The following NEXMIF variants were observed in gnomAD, a reference collection of about 807,000 sequenced individuals.
NEXMIF encodes the protein neurite extension and migration factor, also known as XLMR protein related to neurite extension.
NEXMIF carries 8 observed loss-of-function variants against 62.1 expected under a neutral mutation model. The ratio of observed to expected loss-of-function variants is 0.13; its 90% CI spans 0.08 to 0.23. The LOEUF (loss-of-function observed/expected upper bound fraction) is 0.23. Among genes scored for constraint, NEXMIF ranks in the 10% least tolerant of loss-of-function variants. The pLI is 1.00. For synonymous variants in NEXMIF, 404 were observed against 416.6 expected, an observed-to-expected ratio of 0.97 and a Z score of 0.37; for missense variants, 976 against 1,113.3, an observed-to-expected ratio of 0.88 and a Z score of 1.75.
chrX:74,758,164 G>T (rs1038843586), intron 1 of NEXMIF, among the ~76,000 whole-genome samples: 5 of 110,973 alleles, frequency 4.5e-5, no homozygotes, highest in African/African-American at 1.3e-4. Context: ...TCTTGGGGAA[G>T]AGGAGAGTGG....
chrX:74,765,871 CA>C (rs755196904), intron 1 of NEXMIF, among the ~76,000 whole-genome samples: 1,791 of 28,932 alleles, frequency 0.062, 53 homozygotes, highest in African/African-American at 0.17. Flanking sequence ...ACTGAAAATA[CA>C]AAAAAAAAAA....
At chrX:74,763,743 G>T (rs1274303702) in intron 1 of NEXMIF, among the ~76,000 whole-genome samples, 3 of 111,201 alleles carry the variant, frequency 2.7e-5, no homozygotes, top group Non-Finnish European at 5.7e-5. Flanking sequence ...GTGAATGGGA[G>T]TTCACTCATG....
At chrX:74,891,523 G>A (rs991197090) in intron 1 of NEXMIF, among the ~76,000 whole-genome samples, 4 of 111,810 alleles carry the variant, frequency 3.6e-5, no homozygotes, top group Admixed American at 9.5e-5. Flanking sequence ...CCAGTGAAAG[G>A]CGTTGTGAAG....
intron 1 of NEXMIF, among the ~76,000 whole-genome samples, chrX:74,828,432 T>C (rs2080425312): frequency 8.9e-6 from 1 of 111,839 alleles, no homozygotes; most frequent in Admixed American, 9.5e-5. Flanking sequence ...TTCATGCTTA[T>C]TATCATATAA....
chrX:74,787,113 A>G (rs1430758216), intron 1 of NEXMIF, among the ~76,000 whole-genome samples: 3 of 105,791 alleles, frequency 2.8e-5, no homozygotes, highest in African/African-American at 1.0e-4. Context: ...ACAAAAAAAA[A>G]AAAAAAAAAA....
chrX:74,790,597 C>T (rs1406476855), intron 1 of NEXMIF, among the ~76,000 whole-genome samples: 2 of 111,893 alleles, frequency 1.8e-5, no homozygotes, highest in Non-Finnish European at 1.9e-5. Flanking sequence ...ACTGATTCTT[C>T]CTACCCATGA....
chrX:74,740,299 C>T lies in NEXMIF; in HGVS notation c.4258G>A (p.Glu1420Lys), dbSNP rs756589710. Residue 1420 changes from glutamate to lysine, a missense_variant, in exon 3 of 4, where the codon GAG becomes AAG. Transcript: ENST00000055682. ...TCAAAGAAGGTAGAGCGAGAGTCCTCGTTATAACCAGGCATGTTTGCACGA... is the reference window on the plus strand; with the variant it reads ...TCAAAGAAGGTAGAGCGAGAGTCCTTGTTATAACCAGGCATGTTTGCACGA... ...PGRANMPGYN[E>K]DSRSTFFDKK... 8 of 1,209,248 alleles carry T rather than the reference C, an allele frequency of 6.6e-6. No individual in the cohort carries two copies. The highest frequency in any genetic ancestry group is 1.8e-5 in the African/African-American group (1 of 56,937).
Position 74,867,248 on chromosome X carries a change from T to C in NEXMIF, c.-48+57635A>G, listed in dbSNP as rs149211946. Among the ~76,000 whole-genome samples the C allele has an allele frequency of 7.4e-3, 829 of 111,928 alleles. 10 individuals are homozygous for C. Among genetic ancestry groups the C allele is most frequent in the African/African-American group, 0.025 (773 of 30,769 alleles). On this transcript the variant is annotated intron_variant, in intron 1 of 3. Coordinates refer to ENST00000055682, the MANE Select transcript of NEXMIF (RefSeq NM_001008537.3). ...CCACGCTATTACCATTACACTACCATTGACATTCTTCACAAAAGTAGAAAA... is the reference window on the plus strand; with the variant it reads ...CCACGCTATTACCATTACACTACCACTGACATTCTTCACAAAAGTAGAAAA...
intron 1 of NEXMIF, among the ~76,000 whole-genome samples, chrX:74,801,207 T>G (rs1452527244): frequency 8.9e-6 from 1 of 112,146 alleles, no homozygotes; most frequent in Admixed American, 9.5e-5. Flanking sequence ...ACAGTGTATT[T>G]ATCAATTCAC....
At chrX:74,875,385 A>G (rs2080626539) in intron 1 of NEXMIF, among the ~76,000 whole-genome samples, 1 of 111,598 alleles carries the variant, frequency 9.0e-6, no homozygotes, top group African/African-American at 3.3e-5. Flanking sequence ...GCGCTGCTGG[A>G]TTTGGTTTGC....
chrX:74,780,514 G>A (rs1178075106), intron 1 of NEXMIF, among the ~76,000 whole-genome samples: 5 of 108,712 alleles, frequency 4.6e-5, no homozygotes, highest in South Asian at 4.1e-4. Context: ...GACTACAGGC[G>A]TGTGCCACCA....
intron 1 of NEXMIF, among the ~76,000 whole-genome samples, chrX:74,894,029 C>T (rs185420554): frequency 1.5e-4 from 17 of 111,653 alleles, no homozygotes; most frequent in East Asian, 8.4e-4. Context: ...TGGTGGCTCA[C>T]GCTTGAAATC....
chrX:74,854,735 A>G (rs1219357671), intron 1 of NEXMIF, among the ~76,000 whole-genome samples: 4 of 112,260 alleles, frequency 3.6e-5, no homozygotes, highest in African/African-American at 1.3e-4. Context: ...CAACACACAC[A>G]AATCAGTAGT....
intron 1 of NEXMIF, among the ~76,000 whole-genome samples, chrX:74,782,562 A>G (rs1369338638): frequency 1.8e-5 from 2 of 110,425 alleles, no homozygotes; most frequent in Non-Finnish European, 3.8e-5. Context: ...ACACATTCCA[A>G]CATTTCTGTA....
intron 1 of NEXMIF, among the ~76,000 whole-genome samples, chrX:74,800,346 A>G (rs2080325689): frequency 9.0e-6 from 1 of 111,325 alleles, no homozygotes; most frequent in Admixed American, 9.5e-5. Context: ...TGCTGTGAGA[A>G]CTTTCACAAT....
chrX:74,886,522 C>G (rs1489344071), intron 1 of NEXMIF, among the ~76,000 whole-genome samples: 2 of 111,456 alleles, frequency 1.8e-5, no homozygotes, highest in African/African-American at 3.3e-5. Context: ...AACAGAGAGC[C>G]AAATCATGAG....
At chrX:74,855,467 G>A (rs890573614) in intron 1 of NEXMIF, among the ~76,000 whole-genome samples, 1 of 111,809 alleles carries the variant, frequency 8.9e-6, no homozygotes, top group African/African-American at 3.3e-5. Context: ...ATAATAGATG[G>A]GGCCAACAAT....
chrX:74,826,943 C>T lies in NEXMIF; in HGVS notation c.-47-81246G>A, dbSNP rs757408435. Among the ~76,000 whole-genome samples the T allele has an allele frequency of 3.6e-5, 4 of 111,759 alleles. No individual in the cohort carries two copies. In the South Asian group the frequency reaches 1.5e-3, roughly 42 times the overall value. ...AATAAATCCCTCTCCAAATATGGTACAGTATAAAATTAGTCAAAGACATAG... is the reference window on the plus strand; with the variant it reads ...AATAAATCCCTCTCCAAATATGGTATAGTATAAAATTAGTCAAAGACATAG... On this transcript the variant is annotated intron_variant, in intron 1 of 3. Transcript: ENST00000055682.
Position 74,741,471 on chromosome X carries a change from T to C in NEXMIF, c.3086A>G (p.His1029Arg). The C allele has an allele frequency of 1.7e-6, 2 of 1,211,617 alleles. No homozygotes were observed. The highest frequency in any genetic ancestry group is 2.2e-6 in the Non-Finnish European group (2 of 895,452). Residue 1029 changes from histidine to arginine, a missense_variant, in exon 3 of 4, where the codon CAT (histidine) becomes CGT (arginine). Physicochemically the swap from His to Arg is conservative, Grantham distance 29. Around this residue, in one of 5 missense-constraint regions of NEXMIF, gnomAD observed 639 missense variants for 694.5 expected, o/e 0.92. Coordinates refer to ENST00000055682, the MANE Select transcript of NEXMIF (RefSeq NM_001008537.3). Reference protein sequence around the residue: ...DDDITDDFLAHCSPKLVIQQS... With the variant: ...DDDITDDFLARCSPKLVIQQS... ...CTGGATCACCAGCTTAGGGCTGCAA[T>C]GGGCCAGGAAGTCATCAGTGATATC...
Sources: allele counts gnomAD v4.1 joint callset (sites outside exome capture counted in the v4.1 genomes callset), GRCh38; gene constraint gnomAD v4.1.1; regional missense constraint gnomAD v4.1.1; transcripts MANE v1.5; gene names NCBI Gene and HGNC (gene_info 2026-07-23, HGNC 2026-07-21).